Variants in YTHDF3 observed in about 807,000 individuals in gnomAD.
YTHDF3 encodes the protein YTH domain-containing family protein 3.
A neutral mutation model predicts 52.5 loss-of-function variants in YTHDF3; 9 were observed. That is an observed-to-expected ratio of 0.17 (90% CI 0.10 to 0.30). The LOEUF (loss-of-function observed/expected upper bound fraction) is 0.30, where lower values mean the gene tolerates loss of function less well. YTHDF3 is among the 10% of genes least tolerant of loss of function. The pLI is 1.00. For missense variants in YTHDF3, 534 were observed against 715.0 expected (o/e 0.75, Z 2.89); for synonymous variants, 274 against 243.3 (o/e 1.13, Z -1.18).
At chr8:63,176,800 C>G (rs977693054) in intron 3 of YTHDF3, among the ~76,000 whole-genome samples, 6 of 152,046 alleles carry the variant, frequency 3.9e-5, no homozygotes, top group Non-Finnish European at 8.8e-5. Context: ...GCCTCAACCT[C>G]CTGAATAGCT....
At chr8:63,173,455 T>C (rs1217026865) in intron 2 of YTHDF3, among the ~76,000 whole-genome samples, 1 of 152,070 alleles carries the variant, frequency 6.6e-6, no homozygotes, top group African/African-American at 2.4e-5. Flanking sequence ...TTGCCCAGGC[T>C]GGTCTTGAGC....
In YTHDF3 at chr8:63,187,238, T is replaced by C. The variant is rs745340541; in HGVS notation, c.1227T>C (p.Phe409=). Residue 409 remains phenylalanine, a synonymous_variant, in exon 4 of 5, where the codon TTT becomes TTC. Transcript: ENST00000539294. ...KAINNYNPKD[F]DWNLKNGRVF... The stretch of plus-strand genomic sequence containing the variant: ...TAAACAACTATAATCCCAAAGACTT[T>C]GATTGGAATCTGAAGAATGGACGTG... The C allele has an allele frequency of 2.5e-6, 4 of 1,614,068 alleles. No homozygotes were observed. Among genetic ancestry groups the C allele is most frequent in the Non-Finnish European group, 2.5e-6 (3 of 1,179,908 alleles).
At chr8:63,193,149 G>T (rs564289765) in intron 4 of YTHDF3, among the ~76,000 whole-genome samples, 2 of 152,176 alleles carry the variant, frequency 1.3e-5, no homozygotes, top group African/African-American at 4.8e-5. Context: ...AGGCCCAGGC[G>T]CATGGATTGC....
At chr8:63,203,195 A>G (rs936324433) in intron 4 of YTHDF3, among the ~76,000 whole-genome samples, 1 of 150,876 alleles carries the variant, frequency 6.6e-6, no homozygotes, top group Non-Finnish European at 1.5e-5. Context: ...GTGAGCCGAG[A>G]TTGTGCCACC....
chr8:63,181,468 A>C (rs1212367914), intron 3 of YTHDF3, among the ~76,000 whole-genome samples: 1 of 152,212 alleles, frequency 6.6e-6, no homozygotes, highest in African/African-American at 2.4e-5. Flanking sequence ...CTGATTGGCA[A>C]AATAGAACTT....
chr8:63,180,075 A>AC (rs369234743), intron 3 of YTHDF3, among the ~76,000 whole-genome samples: 1,827 of 135,686 alleles, frequency 0.013, 36 homozygotes, highest in African/African-American at 0.048. Context: ...CGGGGGGCTG[A>AC]CCCCCCCCAC....
chr8:63,200,357 A>G (rs1486333967), intron 4 of YTHDF3, among the ~76,000 whole-genome samples: 1 of 152,188 alleles, frequency 6.6e-6, no homozygotes, highest in Non-Finnish European at 1.5e-5. Flanking sequence ...ACTTAATTAC[A>G]GAAGTGACAC....
chr8:63,183,663 A>C (rs972064369), intron 3 of YTHDF3, among the ~76,000 whole-genome samples: 2 of 152,216 alleles, frequency 1.3e-5, no homozygotes, highest in Non-Finnish European at 2.9e-5. Context: ...CTATATTTGC[A>C]GTTAGAGTTA....
chr8:63,173,654 C>T, intron 2 of YTHDF3: 1 of 985,182 alleles, frequency 1.0e-6, no homozygotes, highest in Non-Finnish European at 1.2e-6. Flanking sequence ...GATTTAGGAG[C>T]AGTAAAGCCA....
intron 4 of YTHDF3, among the ~76,000 whole-genome samples, chr8:63,190,604 G>A (rs924908538): frequency 2.0e-5 from 3 of 152,142 alleles, no homozygotes; most frequent in Admixed American, 6.5e-5. Flanking sequence ...TAAACAGACC[G>A]CAGCCTACTC....
chr8:63,203,412 A>G (rs1406657924), intron 4 of YTHDF3, among the ~76,000 whole-genome samples: 2 of 152,130 alleles, frequency 1.3e-5, no homozygotes, highest in Admixed American at 6.5e-5. Context: ...GCCATATGGT[A>G]TTTGTTATTT....
intron 2 of YTHDF3, among the ~76,000 whole-genome samples, chr8:63,173,206 A>ATATATATATATATATATATATATATATC (rs1264719044): frequency 7.0e-4 from 102 of 145,422 alleles, no homozygotes; most frequent in African/African-American, 2.7e-3. Context: ...TTATATTTAT[A>ATATATATATATATATATATATATATATC]TATATATACA....
intron 4 of YTHDF3, among the ~76,000 whole-genome samples, chr8:63,192,929 G>A (rs1340739237): frequency 6.6e-6 from 1 of 151,736 alleles, no homozygotes; most frequent in Non-Finnish European, 1.5e-5. Context: ...CTGGTATGTG[G>A]ATGTACTATA....
intron 2 of YTHDF3, among the ~76,000 whole-genome samples, chr8:63,170,247 A>G (rs1364416768): frequency 6.6e-6 from 1 of 152,198 alleles, no homozygotes; most frequent in Non-Finnish European, 1.5e-5. Flanking sequence ...CACTAAAATT[A>G]TGCTTTCTGT....
chr8:63,168,827 G>GGA lies in YTHDF3; in HGVS notation c.-47_-46dup. On this transcript the variant is annotated 5_prime_UTR_variant, in exon 1 of 5. Coordinates refer to ENST00000539294, the MANE Select transcript of YTHDF3 (RefSeq NM_152758.6). ...ACAGCCAACTGCTGTGAGTGCACGGGGAGAGGCCCAGGCAGCGGCGGCGGC... is the reference window on the plus strand; with the variant it reads ...ACAGCCAACTGCTGTGAGTGCACGGGGAGAGAGGCCCAGGCAGCGGCGGCGGC... 1.3e-6 allele frequency: 2 copies of GGA among 1,552,122 alleles called. No homozygotes were observed. The highest frequency in any genetic ancestry group is 1.2e-5 in the South Asian group (1 of 84,148).
At chr8:63,209,645 G>C (rs770263393) in intron 4 of YTHDF3, 38 bp from the exon 5 acceptor site, 1 of 1,518,292 alleles carries the variant, frequency 6.6e-7, no homozygotes, top group South Asian at 1.2e-5. Context: ...GTTTTTCATT[G>C]TAATTCTTTT....
Position 63,209,668 on chromosome 8 carries a change from T to TG in YTHDF3, c.1735-15_1735-14insG, listed in dbSNP as rs775945596. 743 of 964,140 alleles carry TG rather than the reference T, an allele frequency of 7.7e-4. 3 individuals are homozygous for TG. The highest frequency in any genetic ancestry group is 6.2e-3 in the African/African-American group (362 of 58,074). The allele number at this position is 964,140 out of a possible 1,614,324, so 59.7% of individuals were successfully genotyped here. The stretch of plus-strand genomic sequence containing the variant: ...TTGTAATTCTTTTTGTGTGTGTGTG[T>TG]TTTTTTTTTTTCAGGAGAGAAATAG... On this transcript the variant is annotated splice_polypyrimidine_tract_variant and intron_variant, in intron 4 of 4. Coordinates refer to ENST00000539294, the MANE Select transcript of YTHDF3 (RefSeq NM_152758.6).
chr8:63,173,389 G>A (rs1029788294), intron 2 of YTHDF3, among the ~76,000 whole-genome samples: 1 of 151,774 alleles, frequency 6.6e-6, no homozygotes, highest in African/African-American at 2.4e-5. Context: ...ATAGGCACAT[G>A]CCACCACTCC....
At chr8:63,195,402 T>C (rs1276288330) in intron 4 of YTHDF3, among the ~76,000 whole-genome samples, 2 of 152,180 alleles carry the variant, frequency 1.3e-5, no homozygotes, top group Non-Finnish European at 2.9e-5. Context: ...TATTGGAAAT[T>C]AGAGACATAA....
Sources: gnomAD v4.1 joint callset for allele counts (sites outside exome capture counted in the v4.1 genomes callset) on GRCh38, gnomAD v4.1.1 for gene constraint, MANE v1.5 for transcripts, NCBI Gene and HGNC (gene_info 2026-07-23, HGNC 2026-07-21) for gene names.